Variants in GALNT13 observed in about 807,000 individuals in gnomAD.
GALNT13 encodes UDP-GalNAc:polypeptide N-acetylgalactosaminyltransferase 13.
A neutral mutation model predicts 64.2 loss-of-function variants in GALNT13; 28 were observed. The ratio of observed to expected loss-of-function variants is 0.44; its 90% CI spans 0.32 to 0.60. The LOEUF is 0.60. Ranked by LOEUF, GALNT13 falls within the 20% of genes least tolerant of loss-of-function variation. The pLI, the probability that GALNT13 is intolerant of heterozygous loss-of-function variation, is 0.05. For missense variants in GALNT13, 577 were observed against 669.8 expected, an observed-to-expected ratio of 0.86 and a Z score of 1.53; for synonymous variants, 214 against 224.6, an observed-to-expected ratio of 0.95 and a Z score of 0.42.
intron 11 of GALNT13, among the ~76,000 whole-genome samples, chr2:154,421,089 G>T (rs1700229577): frequency 6.6e-6 from 1 of 151,886 alleles, no homozygotes; most frequent in Non-Finnish European, 1.5e-5. Flanking sequence ...AACTATACAA[G>T]AAATTCATGT....
the GALNT13 span, among the ~76,000 whole-genome samples, chr2:153,070,975 A>C: frequency 1.3e-5 from 2 of 152,212 alleles, no homozygotes; most frequent in African/African-American, 4.8e-5. Flanking sequence ...AAGAATAAAA[A>C]CACTGAAATT....
At chr2:153,302,264 G>A in the GALNT13 span, among the ~76,000 whole-genome samples, 5 of 152,122 alleles carry the variant, frequency 3.3e-5, no homozygotes, top group South Asian at 2.1e-4. Flanking sequence ...AGGTTTTAAC[G>A]GGTGTGAGCT....
At chr2:153,807,054 C>T in the GALNT13 span, among the ~76,000 whole-genome samples, 239 of 152,056 alleles carry the variant, frequency 1.6e-3, 1 homozygote, top group South Asian at 2.9e-3. Flanking sequence ...TCTTTATCTG[C>T]GTGTTGGTTA....
At chr2:153,773,243 T>C in the GALNT13 span, among the ~76,000 whole-genome samples, 11 of 152,330 alleles carry the variant, frequency 7.2e-5, 1 homozygote, top group East Asian at 2.1e-3. Flanking sequence ...CTATGCTCAG[T>C]AGCAATGACA....
chr2:154,058,238 T>G (rs1366063100), intron 3 of GALNT13, among the ~76,000 whole-genome samples: 1 of 152,030 alleles, frequency 6.6e-6, no homozygotes, highest in Non-Finnish European at 1.5e-5. Flanking sequence ...GAAAGAGAGC[T>G]CTTACCAGAA....
chr2:153,771,796 G>A, the GALNT13 span, among the ~76,000 whole-genome samples: 1 of 152,168 alleles, frequency 6.6e-6, no homozygotes, highest in African/African-American at 2.4e-5. Context: ...ACTAATCCAA[G>A]TGAGTGGGTG....
chr2:153,908,970 A>G (rs1688763137), intron 2 of GALNT13, among the ~76,000 whole-genome samples: 1 of 152,142 alleles, frequency 6.6e-6, no homozygotes, highest in Non-Finnish European at 1.5e-5. Context: ...TTGAATCTAT[A>G]AATTGCTTTG....
At chr2:153,568,081 A>G in the GALNT13 span, among the ~76,000 whole-genome samples, 55 of 152,234 alleles carry the variant, frequency 3.6e-4, no homozygotes, top group Admixed American at 4.6e-4. Context: ...ACTGAAAGAA[A>G]TTCTCGAATA....
At chr2:153,409,313 A>AATATGTATATATTCATATGT in the GALNT13 span, among the ~76,000 whole-genome samples, 188 of 140,116 alleles carry the variant, frequency 1.3e-3, 1 homozygote, top group East Asian at 7.1e-3. Context: ...TATATATATG[A>AATATGTATATATTCATATGT]ATATGTATAT....
chr2:153,266,046 A>G, the GALNT13 span, among the ~76,000 whole-genome samples: 3 of 152,204 alleles, frequency 2.0e-5, no homozygotes, highest in Non-Finnish European at 2.9e-5. Flanking sequence ...CACACTTAAT[A>G]AACTGTAGTG....
chr2:153,283,263 A>T, the GALNT13 span, among the ~76,000 whole-genome samples: 1 of 152,214 alleles, frequency 6.6e-6, no homozygotes, highest in African/African-American at 2.4e-5. Context: ...GTGCCTAGTC[A>T]TGGAGCTGAG....
the GALNT13 span, among the ~76,000 whole-genome samples, chr2:153,624,090 G>A: frequency 2.6e-5 from 4 of 152,164 alleles, no homozygotes; most frequent in African/African-American, 9.6e-5. Context: ...GAGAGTGGAA[G>A]AAGAAAATGA....
the GALNT13 span, among the ~76,000 whole-genome samples, chr2:153,579,626 C>T: frequency 2.0e-5 from 3 of 152,084 alleles, no homozygotes; most frequent in African/African-American, 4.8e-5. Context: ...CTTACAGCAG[C>T]GGTCCCCAAC....
At chr2:154,130,540 T>C (rs1468228193) in intron 3 of GALNT13, among the ~76,000 whole-genome samples, 1 of 152,204 alleles carries the variant, frequency 6.6e-6, no homozygotes, top group East Asian at 1.9e-4. Flanking sequence ...GCAAATTTTG[T>C]GAAAGATATA....
the GALNT13 span, among the ~76,000 whole-genome samples, chr2:153,139,225 G>A: frequency 2.1e-4 from 32 of 152,134 alleles, no homozygotes; most frequent in East Asian, 5.2e-3. Flanking sequence ...CATTCTGTTA[G>A]CCCCTAGAAT....
chr2:153,625,443 T>C, the GALNT13 span, among the ~76,000 whole-genome samples: 1 of 152,104 alleles, frequency 6.6e-6, no homozygotes, highest in Non-Finnish European at 1.5e-5. Context: ...GTTTAAGATA[T>C]CAGTAAGTCC....
chr2:153,500,508 C>A, the GALNT13 span, among the ~76,000 whole-genome samples: 3 of 152,200 alleles, frequency 2.0e-5, no homozygotes, highest in African/African-American at 4.8e-5. Flanking sequence ...CATCACCTGG[C>A]AGCGTTTGCA....
At chr2:153,409,430 T>C in the GALNT13 span, among the ~76,000 whole-genome samples, 1 of 144,626 alleles carries the variant, frequency 6.9e-6, no homozygotes, top group African/African-American at 2.6e-5. Context: ...CCCTGACTAA[T>C]ACAGATTTTG....
intron 3 of GALNT13, among the ~76,000 whole-genome samples, chr2:154,099,629 A>C (rs947007638): frequency 6.6e-6 from 1 of 152,104 alleles, no homozygotes; most frequent in Non-Finnish European, 1.5e-5. Context: ...GTTCTTCTGC[A>C]TATGGCTAGC....
Sources: allele counts gnomAD v4.1 joint callset (sites outside exome capture counted in the v4.1 genomes callset), GRCh38; gene constraint gnomAD v4.1.1; transcripts MANE v1.5; gene names NCBI Gene and HGNC (gene_info 2026-07-23, HGNC 2026-07-21).